Variants in ROCK1 observed in about 807,000 individuals in gnomAD.
ROCK1 encodes rho-associated protein kinase 1.
A neutral mutation model predicts 196.8 loss-of-function variants in ROCK1; 36 were observed. That is an observed-to-expected ratio of 0.18 (90% CI 0.14 to 0.24). The LOEUF is 0.24. ROCK1 is among the 10% of genes least tolerant of loss of function. The pLI is 1.00. For missense variants in ROCK1, 920 were observed against 1,562.0 expected (o/e 0.59, Z 6.93); for synonymous variants, 443 against 515.9 (o/e 0.86, Z 1.91).
intron 27 of ROCK1, 65 bp downstream of exon 27, chr18:20,966,852 G>A: frequency 7.6e-7 from 1 of 1,308,376 alleles, no homozygotes; most frequent in Non-Finnish European, 1.1e-6. Context: ...AAAACCAAAT[G>A]AAAGAAATAT....
intron 1 of ROCK1, among the ~76,000 whole-genome samples, chr18:21,076,280 G>C (rs2036430591): frequency 6.6e-6 from 1 of 152,148 alleles, no homozygotes; most frequent in African/African-American, 2.4e-5. Flanking sequence ...AAGGCAGGAG[G>C]ATCACTTGAG....
chr18:21,070,506 A>G (rs2143550775), intron 2 of ROCK1, 26 bp downstream of exon 2: 1 of 1,302,728 alleles, frequency 7.7e-7, no homozygotes, highest in Non-Finnish European at 1.1e-6. Flanking sequence ...GAAGTCTGTC[A>G]TTAACCTCCA....
At chr18:21,048,166 G>T (rs1293726358) in intron 4 of ROCK1, among the ~76,000 whole-genome samples, 2 of 152,160 alleles carry the variant, frequency 1.3e-5, no homozygotes, top group African/African-American at 4.8e-5. Flanking sequence ...TTGTGGCCCA[G>T]AGATGTTAAG....
chr18:20,969,845 C>T (rs2143360987), intron 23 of ROCK1: 1 of 152,306 alleles, frequency 6.6e-6, no homozygotes. Flanking sequence ...CAAGAAAAAT[C>T]TAACTCCTCT....
chr18:21,070,422 T>C (rs538053239), intron 2 of ROCK1, 110 bp downstream of exon 2: 2 of 602,472 alleles, frequency 3.3e-6, no homozygotes, highest in East Asian at 3.0e-5. Context: ...GTAGAAATCA[T>C]TGATGAAATC....
Position 20,955,078 on chromosome 18 carries a change from A to T in ROCK1, c.3592-34T>A, listed in dbSNP as rs766530915. 2.0e-5 allele frequency: 31 copies of T among 1,534,466 alleles called. 1 individual carries two copies. Among genetic ancestry groups the T allele is most frequent in the Middle Eastern group, 1.8e-4 (1 of 5,688 alleles). Reference sequence around the variant, plus strand: ...AGGAATGGTGAAAGGAAAAGATTTTAAAAATCTTAAGCATTGGTATATTTT... The same window carrying T: ...AGGAATGGTGAAAGGAAAAGATTTTTAAAATCTTAAGCATTGGTATATTTT... On this transcript the variant is annotated intron_variant, in intron 30 of 32. Transcript: ENST00000399799.
At chr18:21,051,268 T>C (rs2036201768) in intron 2 of ROCK1, among the ~76,000 whole-genome samples, 1 of 152,108 alleles carries the variant, frequency 6.6e-6, no homozygotes, top group African/African-American at 2.4e-5. Flanking sequence ...GGAAACATGA[T>C]GAAACCCTGT....
chr18:20,967,513 TG>T (rs1598511058), intron 26 of ROCK1, among the ~76,000 whole-genome samples: 1 of 152,280 alleles, frequency 6.6e-6, no homozygotes, highest in East Asian at 1.9e-4. Flanking sequence ...CTTGTTATTT[TG>T]ATTTCAAAAA....
intron 13 of ROCK1, among the ~76,000 whole-genome samples, chr18:21,012,165 G>C (rs1017892977): frequency 1.3e-5 from 2 of 152,118 alleles, no homozygotes; most frequent in African/African-American, 2.4e-5. Flanking sequence ...TGGCCAGGCT[G>C]GTCTTAAACT....
chr18:21,076,661 C>T (rs562124073), intron 1 of ROCK1, among the ~76,000 whole-genome samples: 5 of 134,856 alleles, frequency 3.7e-5, no homozygotes, highest in Admixed American at 1.6e-4. Flanking sequence ...TGATCCTCCC[C>T]TCTTGGTACA....
chr18:21,036,702 A>C (rs1369334992), intron 9 of ROCK1, among the ~76,000 whole-genome samples: 1 of 152,112 alleles, frequency 6.6e-6, no homozygotes, highest in African/African-American at 2.4e-5. Flanking sequence ...TTGGCCTCCC[A>C]AAGTGCTGAG....
chr18:21,010,698 G>A (rs1295909143), intron 13 of ROCK1, among the ~76,000 whole-genome samples: 1 of 152,194 alleles, frequency 6.6e-6, no homozygotes, highest in East Asian at 1.9e-4. Context: ...GTTAAGCAGA[G>A]GGTTCTGTAA....
chr18:21,102,618 T>C (rs2143603544), intron 1 of ROCK1, among the ~76,000 whole-genome samples: 1 of 152,346 alleles, frequency 6.6e-6, no homozygotes, highest in South Asian at 2.1e-4. Flanking sequence ...GGCTCACGCC[T>C]GTAATCCTTA....
intron 2 of ROCK1, among the ~76,000 whole-genome samples, chr18:21,069,353 T>C (rs778567854): frequency 2.0e-5 from 3 of 152,066 alleles, no homozygotes; most frequent in Non-Finnish European, 4.4e-5. Flanking sequence ...TAAAATTTTG[T>C]TATATTATTC....
At chr18:20,976,102 T>C (rs2035477914) in intron 22 of ROCK1, among the ~76,000 whole-genome samples, 2 of 152,144 alleles carry the variant, frequency 1.3e-5, no homozygotes, top group South Asian at 4.1e-4. Context: ...ACACTATGGA[T>C]TACAATTTGC....
intron 1 of ROCK1, among the ~76,000 whole-genome samples, 154 bp downstream of exon 1, chr18:21,110,664 T>C (rs2036742917): frequency 6.6e-6 from 1 of 152,146 alleles, no homozygotes; most frequent in Admixed American, 6.5e-5. Context: ...CCATGAGATG[T>C]TAATGGTACT....
At chr18:21,081,841 T>C (rs1022024592) in intron 1 of ROCK1, among the ~76,000 whole-genome samples, 1 of 152,176 alleles carries the variant, frequency 6.6e-6, no homozygotes, top group African/African-American at 2.4e-5. Context: ...CCAATAACTG[T>C]AACAAGTAAG....
intron 9 of ROCK1, among the ~76,000 whole-genome samples, 165 bp downstream of exon 9, chr18:21,039,307 T>C (rs1353390389): frequency 2.0e-5 from 3 of 152,174 alleles, no homozygotes; most frequent in East Asian, 3.8e-4. Context: ...AACAATATAA[T>C]CTGCCCAATA....
intron 16 of ROCK1, among the ~76,000 whole-genome samples, chr18:20,993,304 G>A (rs182851863): frequency 1.3e-5 from 2 of 152,262 alleles, no homozygotes; most frequent in African/African-American, 4.8e-5. Context: ...CCAGGTTCAC[G>A]CCATTCTCCT....
Sources: gnomAD v4.1 joint callset for allele counts (sites outside exome capture counted in the v4.1 genomes callset) on GRCh38, gnomAD v4.1.1 for gene constraint, MANE v1.5 for transcripts, NCBI Gene and HGNC (gene_info 2026-07-23, HGNC 2026-07-21) for gene names.